MTOR: variants seen among roughly 807,000 people sequenced by gnomAD.
MTOR encodes serine/threonine-protein kinase mTOR.
A neutral mutation model predicts 319.8 loss-of-function variants in MTOR; 70 were observed. That is an observed-to-expected ratio of 0.22 (90% confidence interval 0.18 to 0.27). MTOR has a LOEUF of 0.27. Among genes scored for constraint, MTOR ranks in the 10% least tolerant of loss-of-function variants. The probability of loss-of-function intolerance (pLI) is 1.00; values close to 1 mark genes in which losing one functional copy is unlikely to be tolerated. For synonymous variants in MTOR, 1,183 were observed against 1,211.4 expected, an observed-to-expected ratio of 0.98 and a Z score of 0.49; for missense variants, 1,890 against 3,274.4, an observed-to-expected ratio of 0.58 and a Z score of 10.32.
At position 11,243,400 on chromosome 1, in the gene MTOR, T is replaced by C. The variant is rs993376168; in HGVS notation, c.1226-100A>G. On this transcript the variant is annotated intron_variant, in intron 8 of 57. Transcript: ENST00000361445. ...TAAAGCAATTCAGTTTAAGAATAAA[T>C]TAAGAAAGTGGCCAGGCACAGTGGC... The C allele has an allele frequency of 2.1e-5, 25 of 1,174,244 alleles. 1 individual carries two copies. The highest frequency in any genetic ancestry group is 2.6e-5 in the Non-Finnish European group (22 of 840,004). 72.7% of individuals were successfully genotyped at this position (1,174,244 alleles called of 1,614,324 possible).
intron 8 of MTOR, among the ~76,000 whole-genome samples, chr1:11,247,311 C>T (rs184994585): frequency 8.5e-4 from 129 of 152,266 alleles, no homozygotes; most frequent in Non-Finnish European, 1.0e-3. Flanking sequence ...AAAGCTTTGA[C>T]GTAGATGCTG....
chr1:11,148,810 A>C (rs2100530455), intron 31 of MTOR, among the ~76,000 whole-genome samples: 1 of 152,098 alleles, frequency 6.6e-6, no homozygotes, highest in African/African-American at 2.4e-5. Flanking sequence ...GAGGCAGAGA[A>C]TTGCTTGAAC....
chr1:11,205,705 A>G (rs1239961255), intron 25 of MTOR, among the ~76,000 whole-genome samples: 2 of 152,234 alleles, frequency 1.3e-5, no homozygotes, highest in Non-Finnish European at 2.9e-5. Flanking sequence ...GGAGCAAAAA[A>G]TGATTGTTAT....
chr1:11,118,342 T>G (rs911013840), intron 49 of MTOR, among the ~76,000 whole-genome samples: 3 of 119,964 alleles, frequency 2.5e-5, no homozygotes, highest in African/African-American at 7.8e-5. Context: ...GTTCAAGCGA[T>G]TCTCCTGCCT....
At chr1:11,120,177 AAT>A (rs961429696) in intron 49 of MTOR, among the ~76,000 whole-genome samples, 4 of 151,948 alleles carry the variant, frequency 2.6e-5, no homozygotes, top group Non-Finnish European at 5.9e-5. Context: ...CCTGGATTCA[AAT>A]GATCCTTCCG....
chr1:11,258,085 C>T (rs943641463), intron 3 of MTOR, among the ~76,000 whole-genome samples: 4 of 146,404 alleles, frequency 2.7e-5, no homozygotes, highest in Middle Eastern at 3.8e-3. Flanking sequence ...ACTCCAGCCC[C>T]GGCAAGAGTG....
chr1:11,167,333 T>C (rs1644679251), intron 29 of MTOR, 109 bp downstream of exon 29: 2 of 811,580 alleles, frequency 2.5e-6, no homozygotes, highest in Non-Finnish European at 4.2e-6. Flanking sequence ...CAGACTGTTA[T>C]GAATTGGAGA....
At chr1:11,238,765 T>TA in intron 11 of MTOR, 148 bp from the exon 12 acceptor site, 3 of 595,860 alleles carry the variant, frequency 5.0e-6, no homozygotes, top group Admixed American at 3.9e-5. Flanking sequence ...CCGGAACTCT[T>TA]CTTTTTTTTT....
chr1:11,240,342 T>C lies in MTOR; in HGVS notation c.1747A>G (p.Thr583Ala). Residue 583 changes from threonine (T) to alanine (A), a missense_variant, in exon 11 of 58, where the codon ACT (threonine) becomes GCT (alanine). By Grantham distance (58) the Thr-to-Ala change is moderately conservative. This residue lies in a region of MTOR where 418 missense variants were observed against 543.1 expected (regional missense o/e 0.77). Coordinates refer to ENST00000361445, the MANE Select transcript of MTOR (RefSeq NM_004958.4). ...CTGCCAAGCGTTCGGAGGGCAAGAG[T>C]GATGCTGCCCACATCGCTGGCCTCA... is the stretch of plus-strand genomic sequence containing the variant. The part of the protein sequence containing the change: ...LPEASDVGSI[T>A]LALRTLGSFE... The C allele has an allele frequency of 6.2e-7, 1 of 1,600,404 alleles. No individual in the cohort carries two copies. Among genetic ancestry groups the C allele is most frequent in the Non-Finnish European group, 8.5e-7 (1 of 1,172,578 alleles).
At chr1:11,143,818 A>G (rs974597963) in intron 34 of MTOR, 2 of 152,132 alleles carry the variant, frequency 1.3e-5, no homozygotes, top group African/African-American at 4.8e-5. Context: ...ATAGGTAGGG[A>G]GACAAATGGT....
intron 19 of MTOR, among the ~76,000 whole-genome samples, chr1:11,220,056 GA>G (rs1218262061): frequency 3.3e-3 from 310 of 94,748 alleles, no homozygotes; most frequent in Middle Eastern, 6.8e-3. Flanking sequence ...GAAAAGAAAA[GA>G]AAAGAAAGAA....
chr1:11,113,041 G>T, intron 53 of MTOR, 124 bp from the exon 54 acceptor site: 1 of 987,534 alleles, frequency 1.0e-6, no homozygotes, highest in South Asian at 1.5e-5. Context: ...AAAAAGAGAT[G>T]ACAGACATAT....
At chr1:11,194,383 G>A in intron 28 of MTOR, 1 of 1,375,070 alleles carries the variant, frequency 7.3e-7, no homozygotes, top group East Asian at 2.3e-5. Context: ...CTATGGGACT[G>A]TCAGGAGAGA....
chr1:11,127,789 G>A lies in MTOR; in HGVS notation c.6051C>T (p.Ile2017=), dbSNP rs1490914341. Residue 2017 remains isoleucine, a synonymous_variant, in exon 44 of 58, where the codon ATC becomes ATT. Transcript: ENST00000361445. This position sits in a 1 kb window ranked among gnomAD's most constrained non-coding sequence, Gnocchi z 5.5. ...QQAMMVSEEL[I]RVAILWHEMW... is the part of the protein sequence containing the mutation. Reference sequence around the variant, plus strand: ...TCTCATGCCAGAGGATGGCCACTCGGATCAGCTCCTCGCTCACCTGAAGCC... The same window carrying A: ...TCTCATGCCAGAGGATGGCCACTCGAATCAGCTCCTCGCTCACCTGAAGCC... The A allele has an allele frequency of 1.2e-6, 2 of 1,613,390 alleles. No individual in the cohort carries two copies. The highest frequency in any genetic ancestry group is 1.1e-5 in the South Asian group (1 of 90,962).
At chr1:11,227,794 G>T (rs1646894175) in intron 19 of MTOR, among the ~76,000 whole-genome samples, 1 of 152,194 alleles carries the variant, frequency 6.6e-6, no homozygotes, top group African/African-American at 2.4e-5. Context: ...CAACTCAAGT[G>T]AGGATTATCA....
At position 11,231,507 on chromosome 1, in the gene MTOR, AATG is replaced by A. The variant is rs371279679; in HGVS notation, c.2515-76_2515-74del. 1.2e-5 allele frequency: 18 copies of A among 1,544,192 alleles called. No homozygotes were observed. In the African/African-American group the frequency reaches 2.1e-4, roughly 18 times the overall value. On this transcript the variant is annotated intron_variant, in intron 16 of 57. Coordinates refer to ENST00000361445, the MANE Select transcript of MTOR (RefSeq NM_004958.4). ...GAAAGCATAGTTGAACTCTTTGTAT[AATG>A]ATTATAATGAAGTGTTAGAGGCTGT...
chr1:11,135,102 G>A (rs976644601), intron 36 of MTOR, among the ~76,000 whole-genome samples: 1 of 152,208 alleles, frequency 6.6e-6, no homozygotes, highest in African/African-American at 2.4e-5. Flanking sequence ...TGTATACAAA[G>A]TGAGCAGAGG....
rs372996553 is a variant in MTOR, at chr1:11,225,078, A to C, written c.3030+3590T>G. 1.8e-4 allele frequency among the ~76,000 whole-genome samples: 27 copies of C among 151,716 alleles called. No homozygotes were observed. In the East Asian group the frequency reaches 4.2e-3, roughly 24 times the overall value. On this transcript the variant is annotated intron_variant, in intron 19 of 57. Coordinates refer to ENST00000361445, the MANE Select transcript of MTOR (RefSeq NM_004958.4). ...CAGAAAATGACTGAAAATGGACAGG[A>C]GGTTTTTTTGCTGGGGTGATTTAAG...
At chr1:11,231,197 GA>G in intron 17 of MTOR, 102 bp downstream of exon 17, 1 of 1,582,382 alleles carries the variant, frequency 6.3e-7, no homozygotes, top group Non-Finnish European at 8.6e-7. Context: ...AGAGGGACAG[GA>G]AGTCTGACTG....
Sources: allele counts gnomAD v4.1 joint callset (sites outside exome capture counted in the v4.1 genomes callset), GRCh38; gene constraint gnomAD v4.1.1; regional missense constraint gnomAD v4.1.1; non-coding constraint Gnocchi (gnomAD v3.1); transcripts MANE v1.5; gene names NCBI Gene and HGNC (gene_info 2026-07-23, HGNC 2026-07-21).